Variants in PLEKHH2 observed in about 807,000 individuals in gnomAD.
PLEKHH2 encodes the protein pleckstrin homology, MyTH4 and FERM domain containing H2.
Under a neutral mutation model 187.9 loss-of-function variants are expected in PLEKHH2, and 129 were observed. That is an observed-to-expected ratio of 0.69 (90% CI 0.59 to 0.79). The LOEUF (loss-of-function observed/expected upper bound fraction) is 0.79, where lower values mean the gene tolerates loss of function less well. Ranked by LOEUF, PLEKHH2 falls within the 30% of genes least tolerant of loss-of-function variation. PLEKHH2 has a pLI of 0.00. For synonymous variants in PLEKHH2, 686 were observed against 605.6 expected (o/e 1.13, Z -1.95); for missense variants, 2,076 against 1,751.2 (o/e 1.19, Z -3.31).
At chr2:43,718,197 C>T (rs565562335) in intron 15 of PLEKHH2, among the ~76,000 whole-genome samples, 3 of 152,222 alleles carry the variant, frequency 2.0e-5, no homozygotes, top group South Asian at 2.1e-4. Flanking sequence ...CGTGAGGATT[C>T]TTCCAGTATA....
chr2:43,642,512 G>C (rs1006028851), intron 1 of PLEKHH2, among the ~76,000 whole-genome samples: 1 of 152,108 alleles, frequency 6.6e-6, no homozygotes, highest in South Asian at 2.1e-4. Flanking sequence ...TAGAAGTGGT[G>C]AGAAAAGACA....
intron 20 of PLEKHH2, among the ~76,000 whole-genome samples, chr2:43,739,514 C>G (rs998612502): frequency 3.9e-5 from 6 of 152,132 alleles, no homozygotes; most frequent in South Asian, 2.1e-4. Context: ...GAGACCGAAG[C>G]TTATACAGTT....
At chr2:43,640,347 G>A (rs1012555905) in intron 1 of PLEKHH2, among the ~76,000 whole-genome samples, 4 of 151,790 alleles carry the variant, frequency 2.6e-5, no homozygotes, top group African/African-American at 9.7e-5. Context: ...GCTCCCCGAC[G>A]CTTAGCTGAT....
chr2:43,686,787 T>C lies in PLEKHH2; in HGVS notation c.187-5727T>C, dbSNP rs185417169. Reference sequence around the variant, plus strand: ...CAACTTGCTGATTTCACTGATAACATGTCAGTAAATTTTGACACATTCTTG... The same window carrying C: ...CAACTTGCTGATTTCACTGATAACACGTCAGTAAATTTTGACACATTCTTG... On this transcript the variant is annotated intron_variant, in intron 3 of 29. Transcript: ENST00000282406. Among the ~76,000 whole-genome samples, 315 of 152,296 alleles carry C rather than the reference T, an allele frequency of 2.1e-3. 2 individuals are homozygous for C. Among genetic ancestry groups the C allele is most frequent in the Middle Eastern group, 3.4e-3 (1 of 294 alleles).
chr2:43,766,727 A>G lies in PLEKHH2; in HGVS notation c.*1129A>G, dbSNP rs1292056747. ...GCAATCCCACTTCAGCCTCTTGAAT[A>G]GCTGGGACTAGAAGCATGCACCACC... On this transcript the variant is annotated 3_prime_UTR_variant, in exon 30 of 30. Transcript: ENST00000282406. 1 of 152,332 alleles carries G rather than the reference A, an allele frequency of 6.6e-6. No individual in the cohort carries two copies. Among genetic ancestry groups the G allele is most frequent in the Non-Finnish European group, 1.5e-5 (1 of 68,206 alleles). The allele number at this position is 152,332 out of a possible 1,614,324, so 9.4% of individuals were successfully genotyped here.
chr2:43,677,199 A>G (rs903922781), intron 2 of PLEKHH2, among the ~76,000 whole-genome samples: 2 of 146,482 alleles, frequency 1.4e-5, no homozygotes, highest in Non-Finnish European at 1.5e-5. Context: ...TGATGACTTT[A>G]TGAGTTTTTT....
chr2:43,692,931 T>G (rs1668883412), intron 4 of PLEKHH2, among the ~76,000 whole-genome samples: 1 of 152,212 alleles, frequency 6.6e-6, no homozygotes, highest in African/African-American at 2.4e-5. Flanking sequence ...TTTATTTATC[T>G]GAGACAGAGT....
intron 17 of PLEKHH2, 22 bp downstream of exon 17, chr2:43,726,473 G>A: frequency 6.4e-7 from 1 of 1,551,774 alleles, no homozygotes; most frequent in Admixed American, 1.7e-5. Flanking sequence ...CTTATTGGTT[G>A]ATTTAGAATG....
intron 26 of PLEKHH2, 73 bp downstream of exon 26, chr2:43,757,337 T>C: frequency 8.2e-7 from 1 of 1,213,980 alleles, no homozygotes; most frequent in Non-Finnish European, 1.1e-6. Context: ...GTGTTCAAAT[T>C]TTAAAGGTGA....
At chr2:43,732,810 A>G (rs1167367564) in intron 19 of PLEKHH2, among the ~76,000 whole-genome samples, 1 of 152,150 alleles carries the variant, frequency 6.6e-6, no homozygotes, top group Non-Finnish European at 1.5e-5. Context: ...CTCTTCAGCC[A>G]GATCCCAACC....
chr2:43,700,560 GGCATAC>G lies in PLEKHH2; in HGVS notation c.1603_1608del (p.Ala535_Tyr536del). 2 of 1,613,014 alleles carry G rather than the reference GGCATAC, an allele frequency of 1.2e-6. No homozygotes were observed. The highest frequency in any genetic ancestry group is 1.7e-6 in the Non-Finnish European group (2 of 1,179,908). On this transcript the variant is annotated inframe_deletion, in exon 8 of 30. Coordinates refer to ENST00000282406, the MANE Select transcript of PLEKHH2 (RefSeq NM_172069.4). The stretch of plus-strand genomic sequence containing the variant: ...AACACTGTGACTCAGCAAAGAAGGT[GGCATAC>G]AGCAAACCTCCAACTCCTCCCCTGC...
chr2:43,726,134 A>C (rs890217811), intron 16 of PLEKHH2, 138 bp from the exon 17 acceptor site: 72 of 676,544 alleles, frequency 1.1e-4, no homozygotes, highest in Non-Finnish European at 1.5e-4. Context: ...CAAAAAAAAA[A>C]AAAAAAGGAA....
chr2:43,737,528 C>T (rs965365042), intron 19 of PLEKHH2, among the ~76,000 whole-genome samples: 1 of 152,150 alleles, frequency 6.6e-6, no homozygotes. Context: ...GACTCATAGT[C>T]TCCTGGCGGT....
intron 16 of PLEKHH2, among the ~76,000 whole-genome samples, chr2:43,721,200 T>C (rs1670461648): frequency 6.6e-6 from 1 of 152,150 alleles, no homozygotes; most frequent in Non-Finnish European, 1.5e-5. Flanking sequence ...TTATTAATGT[T>C]TAAACTAATC....
intron 20 of PLEKHH2, chr2:43,740,714 G>A (rs575433499): frequency 3.8e-6 from 2 of 523,842 alleles, no homozygotes; most frequent in Non-Finnish European, 5.4e-6. Context: ...CTTGTGCCTT[G>A]GTTCCTCAGT....
intron 3 of PLEKHH2, chr2:43,681,624 T>C (rs2104435518): frequency 1.5e-6 from 1 of 683,312 alleles, no homozygotes; most frequent in East Asian, 2.7e-5. Flanking sequence ...TATGACACAA[T>C]ATGCATTTTT....
At chr2:43,694,307 T>G in intron 4 of PLEKHH2, 124 bp from the exon 5 acceptor site, 2 of 1,150,102 alleles carry the variant, frequency 1.7e-6, no homozygotes, top group Non-Finnish European at 1.2e-6. Flanking sequence ...ATTTGGTAAT[T>G]TGAAAGCAGA....
intron 25 of PLEKHH2, among the ~76,000 whole-genome samples, chr2:43,754,712 C>G (rs1672144951): frequency 6.6e-6 from 1 of 152,172 alleles, no homozygotes; most frequent in Admixed American, 6.5e-5. Context: ...TGGACCAAGG[C>G]TTAGATTCCC....
intron 3 of PLEKHH2, 32 bp from the exon 4 acceptor site, chr2:43,692,482 C>G: frequency 6.6e-7 from 1 of 1,513,574 alleles, no homozygotes; most frequent in Non-Finnish European, 9.0e-7. Context: ...TGAGTACACA[C>G]ACAATTTTAA....
Sources: gnomAD v4.1 joint callset for allele counts (sites outside exome capture counted in the v4.1 genomes callset) on GRCh38, gnomAD v4.1.1 for gene constraint, MANE v1.5 for transcripts, NCBI Gene and HGNC (gene_info 2026-07-23, HGNC 2026-07-21) for gene names.